The following ZSWIM6 variants were observed in gnomAD, a reference collection of about 807,000 sequenced individuals.
The protein encoded by ZSWIM6 is zinc finger SWIM domain-containing protein 6.
ZSWIM6 carries 9 observed loss-of-function variants against 113.2 expected under a neutral mutation model. That is an observed-to-expected ratio of 0.08 (90% CI 0.05 to 0.14). The LOEUF is 0.14. ZSWIM6 is among the 10% of genes least tolerant of loss of function. ZSWIM6 has a pLI of 1.00. For synonymous variants in ZSWIM6, 611 were observed against 606.5 expected, an observed-to-expected ratio of 1.01 and a Z score of -0.11; for missense variants, 1,162 against 1,552.2, an observed-to-expected ratio of 0.75 and a Z score of 4.22.
intron 10 of ZSWIM6, among the ~76,000 whole-genome samples, chr5:61,536,613 C>T (rs1749579665): frequency 6.6e-6 from 1 of 152,184 alleles, no homozygotes; most frequent in Admixed American, 6.6e-5. Flanking sequence ...AAATCCTTGC[C>T]TATAAATTAC....
chr5:61,361,653 C>G (rs1470168562), intron 1 of ZSWIM6, among the ~76,000 whole-genome samples: 2 of 152,170 alleles, frequency 1.3e-5, no homozygotes, highest in Non-Finnish European at 2.9e-5. Flanking sequence ...GGGAACCCCC[C>G]TTACCTCCAA....
chr5:61,423,303 T>A (rs1746392062), intron 1 of ZSWIM6, among the ~76,000 whole-genome samples: 1 of 151,400 alleles, frequency 6.6e-6, no homozygotes, highest in South Asian at 2.1e-4. Flanking sequence ...AGCTACTCGG[T>A]AGGCTGAGGC....
intron 4 of ZSWIM6, among the ~76,000 whole-genome samples, chr5:61,512,759 G>A (rs1748824495): frequency 6.6e-6 from 1 of 151,826 alleles, no homozygotes; most frequent in Non-Finnish European, 1.5e-5. Flanking sequence ...CTGCAATTTG[G>A]CATCTGTGTA....
intron 1 of ZSWIM6, among the ~76,000 whole-genome samples, chr5:61,435,892 T>C (rs1200016599): frequency 6.6e-6 from 1 of 152,164 alleles, no homozygotes; most frequent in Non-Finnish European, 1.5e-5. Flanking sequence ...ATGAGCAATT[T>C]GTTATAATTT....
At chr5:61,339,911 G>A (rs1162506360) in intron 1 of ZSWIM6, among the ~76,000 whole-genome samples, 1 of 152,140 alleles carries the variant, frequency 6.6e-6, no homozygotes, top group South Asian at 2.1e-4. Flanking sequence ...CTCTTTAAGT[G>A]CATGTGCTTT....
intron 1 of ZSWIM6, among the ~76,000 whole-genome samples, chr5:61,455,682 C>A (rs1018190534): frequency 6.4e-4 from 98 of 152,100 alleles, no homozygotes; most frequent in Admixed American, 2.9e-3. Flanking sequence ...GACTGGTAGC[C>A]CAGCTTAGTG....
chr5:61,448,475 G>T (rs984518234), intron 1 of ZSWIM6, among the ~76,000 whole-genome samples: 3 of 152,080 alleles, frequency 2.0e-5, no homozygotes, highest in African/African-American at 7.2e-5. Flanking sequence ...CCTGTAACTG[G>T]TTTGTTGAAT....
At position 61,417,233 on chromosome 5, in the gene ZSWIM6, A is replaced by G. The variant is rs1212999877; in HGVS notation, c.677-55448A>G. ...TGGAACTGTAGTTGCAGAAATGAAA[A>G]GGACTTTGAGTTCACAAAGGAGTTC... On this transcript the variant is annotated intron_variant, in intron 1 of 13. Coordinates refer to ENST00000252744, the MANE Select transcript of ZSWIM6 (RefSeq NM_020928.2). Among the ~76,000 whole-genome samples the G allele has an allele frequency of 5.3e-5, 8 of 152,218 alleles. No individual in the cohort carries two copies. In the East Asian group the frequency reaches 1.5e-3, roughly 29 times the overall value.
chr5:61,398,397 C>T (rs986654043), intron 1 of ZSWIM6, among the ~76,000 whole-genome samples: 12 of 152,240 alleles, frequency 7.9e-5, no homozygotes, highest in African/African-American at 2.6e-4. Context: ...ATCCCCCTAC[C>T]CCTAGTTCAT....
At chr5:61,343,615 G>A (rs1011810238) in intron 1 of ZSWIM6, among the ~76,000 whole-genome samples, 3 of 152,092 alleles carry the variant, frequency 2.0e-5, no homozygotes, top group African/African-American at 7.2e-5. Context: ...GTCTTTTCTG[G>A]TGTGGCTGTA....
At chr5:61,510,461 C>T (rs1748750732) in intron 4 of ZSWIM6, among the ~76,000 whole-genome samples, 1 of 151,808 alleles carries the variant, frequency 6.6e-6, no homozygotes, top group South Asian at 2.1e-4. Flanking sequence ...GGTTTAAGAC[C>T]ACTAAGTGGA....
intron 4 of ZSWIM6, among the ~76,000 whole-genome samples, chr5:61,507,179 A>C (rs868477644): frequency 5.9e-5 from 9 of 152,316 alleles, no homozygotes; most frequent in Middle Eastern, 6.8e-3. Flanking sequence ...ATATATGGAG[A>C]AGACCAATAT....
chr5:61,436,155 T>C (rs1351927041), intron 1 of ZSWIM6, among the ~76,000 whole-genome samples: 2 of 151,142 alleles, frequency 1.3e-5, no homozygotes, highest in Non-Finnish European at 2.9e-5. Flanking sequence ...GAGCCGAGAT[T>C]GCGCCATTGC....
chr5:61,333,810 C>A (rs1460911943), intron 1 of ZSWIM6, among the ~76,000 whole-genome samples: 2 of 152,104 alleles, frequency 1.3e-5, no homozygotes, highest in East Asian at 3.9e-4. Flanking sequence ...CCTTGTGCCC[C>A]GCCGCCCGAG....
rs1255328262 is a variant in ZSWIM6, at chr5:61,418,278, A to AT, written c.677-54396dup. Among the ~76,000 whole-genome samples, 3 of 152,000 alleles carry AT rather than the reference A, an allele frequency of 2.0e-5. No individual in the cohort carries two copies. In the East Asian group the frequency reaches 5.8e-4, roughly 29 times the overall value. ...CTATGATTTATTTATTTATTTATTT[A>AT]TTTTTTTGAGGCGAAATCTTGCTCT... is the stretch of plus-strand genomic sequence containing the variant. On this transcript the variant is annotated intron_variant, in intron 1 of 13. Transcript: ENST00000252744.
At chr5:61,489,177 C>T (rs1748113319) in intron 2 of ZSWIM6, among the ~76,000 whole-genome samples, 1 of 151,850 alleles carries the variant, frequency 6.6e-6, no homozygotes, top group Non-Finnish European at 1.5e-5. Flanking sequence ...ACATGCAGAC[C>T]CTTCTCTCCT....
chr5:61,532,015 G>A (rs779595596), intron 9 of ZSWIM6, among the ~76,000 whole-genome samples: 4 of 152,270 alleles, frequency 2.6e-5, no homozygotes, highest in African/African-American at 7.2e-5. Flanking sequence ...CATTCAGACT[G>A]TGTTGTTCCT....
At chr5:61,484,322 TGA>T (rs757377945) in intron 2 of ZSWIM6, among the ~76,000 whole-genome samples, 1 of 152,078 alleles carries the variant, frequency 6.6e-6, no homozygotes, top group Non-Finnish European at 1.5e-5. Flanking sequence ...TGACAAAAAT[TGA>T]GAGAAGTAAC....
In ZSWIM6 at chr5:61,525,895, A is replaced by C. The variant is rs1352809441; in HGVS notation, c.1609A>C (p.Ser537Arg). Reference sequence around the variant, plus strand: ...TAGCCACTTGCAGCACATTATCAGCAGTGACCTATACACCAACTACTGTTA... The same window carrying C: ...TAGCCACTTGCAGCACATTATCAGCCGTGACCTATACACCAACTACTGTTA... The part of the protein sequence containing the change: ...QDSHLQHIIS[S>R]DLYTNYCYHD... Residue 537 changes from serine to arginine, a missense_variant, in exon 6 of 14, where the codon AGT (serine) becomes CGT (arginine). Around this residue, in one of 4 missense-constraint regions of ZSWIM6, gnomAD observed 620 missense variants for 804.6 expected, o/e 0.77. Coordinates refer to ENST00000252744, the MANE Select transcript of ZSWIM6 (RefSeq NM_020928.2). The C allele has an allele frequency of 6.4e-7, 1 of 1,552,132 alleles. No individual in the cohort carries two copies.
Sources: allele counts gnomAD v4.1 joint callset (sites outside exome capture counted in the v4.1 genomes callset), GRCh38; gene constraint gnomAD v4.1.1; regional missense constraint gnomAD v4.1.1; transcripts MANE v1.5; gene names NCBI Gene and HGNC (gene_info 2026-07-23, HGNC 2026-07-21).